BRCC3: variants seen among roughly 807,000 people sequenced by gnomAD.
BRCC3 encodes the protein BRCA1/BRCA2-containing complex subunit 3.
BRCC3 carries 15 observed loss-of-function variants against 28.0 expected under a neutral mutation model. The ratio of observed to expected loss-of-function variants is 0.54; its 90% CI spans 0.36 to 0.82. The LOEUF is 0.82. Among genes scored for constraint, BRCC3 ranks in the 40% least tolerant of loss-of-function variants. The pLI is 0.01. For synonymous variants in BRCC3, 66 were observed against 80.3 expected (o/e 0.82, Z 0.95); for missense variants, 109 against 225.9 (o/e 0.48, Z 3.32).
In BRCC3 at chrX:155,071,519, C is replaced by T. The variant is rs781839034; in HGVS notation, c.-9C>T. ...GGCCCGAGGCGGACGTGAGAAGGGT[C>T]GGGCCAAGATGGCGGTGCAGGTGGT... On this transcript the variant is annotated 5_prime_UTR_variant, in exon 1 of 11. Coordinates refer to ENST00000330045, the MANE Select transcript of BRCC3 (RefSeq NM_001018055.3). 1 of 1,197,408 alleles carries T rather than the reference C, an allele frequency of 8.4e-7. No homozygotes were observed. The highest frequency in any genetic ancestry group is 1.1e-6 in the Non-Finnish European group (1 of 888,247).
intron 7 of BRCC3, among the ~76,000 whole-genome samples, chrX:155,108,059 A>G (rs1557297718): frequency 8.9e-6 from 1 of 112,067 alleles, no homozygotes; most frequent in Admixed American, 9.4e-5. Context: ...TGTACTACAT[A>G]TCAAGAAATA....
intron 7 of BRCC3, among the ~76,000 whole-genome samples, chrX:155,094,029 TAC>T (rs1462535564): frequency 1.7e-4 from 19 of 112,077 alleles, no homozygotes; most frequent in African/African-American, 5.5e-4. Flanking sequence ...TTCTGTTTTT[TAC>T]AGTTACCTGT....
intron 7 of BRCC3, among the ~76,000 whole-genome samples, chrX:155,095,173 G>C (rs1217525028): frequency 8.9e-6 from 1 of 112,136 alleles, no homozygotes; most frequent in African/African-American, 3.2e-5. Flanking sequence ...TAAAGAATGA[G>C]AATATTTTTG....
chrX:155,112,716 G>T (rs370525187), intron 7 of BRCC3, among the ~76,000 whole-genome samples: 1 of 112,505 alleles, frequency 8.9e-6, no homozygotes, highest in Non-Finnish European at 1.9e-5. Flanking sequence ...AAAGGAAGAT[G>T]TAAGTTTATC....
At chrX:155,075,276 CTAAGCCCA>C (rs1569560408) in intron 3 of BRCC3, among the ~76,000 whole-genome samples, 3 of 111,551 alleles carry the variant, frequency 2.7e-5, no homozygotes, top group Admixed American at 9.4e-5. Context: ...TCTGATAATG[CTAAGCCCA>C]CTCTTTCCCC....
intron 7 of BRCC3, chrX:155,099,468 A>G (rs2074233927): frequency 8.8e-7 from 1 of 1,140,124 alleles, no homozygotes; most frequent in Non-Finnish European, 1.2e-6. Flanking sequence ...CCAGAAAACA[A>G]TTCCACTTCC....
At chrX:155,097,943 C>A (rs979570218) in intron 7 of BRCC3, among the ~76,000 whole-genome samples, 10 of 111,263 alleles carry the variant, frequency 9.0e-5, no homozygotes, top group African/African-American at 3.3e-4. Context: ...TTGCAGTGAG[C>A]CGAGATGGCG....
At chrX:155,105,375 C>A (rs899195205) in intron 7 of BRCC3, among the ~76,000 whole-genome samples, 1 of 111,359 alleles carries the variant, frequency 9.0e-6, no homozygotes, top group African/African-American at 3.3e-5. Flanking sequence ...CCCAGCTACT[C>A]GGGAGGCTGA....
At chrX:155,084,476 C>T (rs963505434) in intron 5 of BRCC3, among the ~76,000 whole-genome samples, 1 of 111,708 alleles carries the variant, frequency 9.0e-6, no homozygotes, top group East Asian at 2.8e-4. Context: ...CATTCTCCTG[C>T]CTCAGCCTCC....
At chrX:155,107,445 C>T (rs1290744584) in intron 7 of BRCC3, among the ~76,000 whole-genome samples, 11 of 110,519 alleles carry the variant, frequency 1.0e-4, no homozygotes, top group African/African-American at 3.6e-4. Flanking sequence ...AAGCCCCAAA[C>T]CTGCAGCCCT....
At chrX:155,113,546 A>G (rs1399240063) in intron 7 of BRCC3, among the ~76,000 whole-genome samples, 1 of 111,742 alleles carries the variant, frequency 8.9e-6, no homozygotes, top group Non-Finnish European at 1.9e-5. Context: ...AAACTAGCAG[A>G]AAACATAGGG....
chrX:155,082,197 T>C (rs1228321458), intron 5 of BRCC3, among the ~76,000 whole-genome samples: 3 of 112,096 alleles, frequency 2.7e-5, no homozygotes, highest in African/African-American at 9.7e-5. Context: ...ACAAAAGGCA[T>C]AGTAACTAAG....
intron 5 of BRCC3, among the ~76,000 whole-genome samples, chrX:155,081,331 C>CA (rs1313952481): frequency 0.02 from 821 of 40,802 alleles, 8 homozygotes; most frequent in African/African-American, 0.046. Context: ...GATTCTGTCT[C>CA]AAAAAAAAAA....
intron 10 of BRCC3, among the ~76,000 whole-genome samples, chrX:155,120,729 C>A (rs2074384053): frequency 9.0e-6 from 1 of 111,392 alleles, no homozygotes; most frequent in Admixed American, 9.5e-5. Flanking sequence ...TGAGTTCTAG[C>A]ATATTTGACT....
intron 5 of BRCC3, among the ~76,000 whole-genome samples, chrX:155,085,407 C>T (rs2074116179): frequency 8.9e-6 from 1 of 112,388 alleles, no homozygotes; most frequent in South Asian, 3.6e-4. Context: ...GACATTCAGT[C>T]TAACAGCTTA....
Position 155,116,711 on chromosome X carries a change from C to G in BRCC3, c.681C>G (p.Ser227Arg). 1 of 1,172,345 alleles carries G rather than the reference C, an allele frequency of 8.5e-7. No individual in the cohort carries two copies. Among genetic ancestry groups the G allele is most frequent in the Non-Finnish European group, 1.2e-6 (1 of 868,936 alleles). ...EEQDAYRRIHSLTHLDSVTKI... is the reference protein window; with the variant it reads ...EEQDAYRRIHRLTHLDSVTKI... ...TAACCTAAACTATTTTATTCTTTAG[C>G]CTTACACATCTGGACTCAGTAACCA... The change falls in exon 9 of 11, where the codon AGC (serine) becomes AGG (arginine). Residue 227 changes from serine to arginine, a missense_variant and splice_region_variant. By Grantham distance (110) the Ser-to-Arg change is moderately radical (BLOSUM62 -1). Transcript: ENST00000330045.
chrX:155,079,171 A>G, intron 5 of BRCC3, among the ~76,000 whole-genome samples: 1 of 111,608 alleles, frequency 9.0e-6, no homozygotes, highest in Non-Finnish European at 1.9e-5. Flanking sequence ...GCGTCTCCAG[A>G]AAGAAGGAGA....
rs781930900 is a variant in BRCC3, at chrX:155,090,075, G to A, written c.493-709G>A. ...CTATTGTATGGCATGTACTTATTAG[G>A]TGCTTTACGTAAATATGCTGTAACC... On this transcript the variant is annotated intron_variant, in intron 6 of 10. Transcript: ENST00000330045. Among the ~76,000 whole-genome samples the A allele has an allele frequency of 3.7e-4, 41 of 112,166 alleles. No homozygotes were observed. The South Asian group carries it at 0.015, about 41-fold the overall frequency.
intron 1 of BRCC3, 81 bp downstream of exon 1, chrX:155,071,731 G>A: frequency 2.8e-6 from 3 of 1,061,815 alleles, no homozygotes; most frequent in Non-Finnish European, 3.8e-6. Context: ...CAGCTCCCAG[G>A]GCTGCGGAGG....
Sources: gnomAD v4.1 joint callset for allele counts (sites outside exome capture counted in the v4.1 genomes callset) on GRCh38, gnomAD v4.1.1 for gene constraint, MANE v1.5 for transcripts, NCBI Gene and HGNC (gene_info 2026-07-23, HGNC 2026-07-21) for gene names.